The following PREX2 variants were observed in gnomAD, a reference collection of about 807,000 sequenced individuals.
PREX2 encodes phosphatidylinositol-3,4,5-trisphosphate dependent Rac exchange factor 2, also known as phosphatidylinositol 3,4,5-trisphosphate-dependent Rac exchanger 2 protein.
In PREX2, 107 loss-of-function variants were observed where a neutral mutation model predicts 203.2. The observed-to-expected ratio is 0.53, with a 90% CI of 0.45 to 0.62. The LOEUF (loss-of-function observed/expected upper bound fraction) is 0.62, where lower values mean the gene tolerates loss of function less well. Ranked by LOEUF, PREX2 falls within the 20% of genes least tolerant of loss-of-function variation. The probability of loss-of-function intolerance (pLI) is 0.00; values close to 1 mark genes in which losing one functional copy is unlikely to be tolerated. For synonymous variants in PREX2, 672 were observed against 663.6 expected, an observed-to-expected ratio of 1.01 and a Z score of -0.19; for missense variants, 1,777 against 1,955.9, an observed-to-expected ratio of 0.91 and a Z score of 1.72.
chr8:68,228,968 G>GAAA (rs1813112025), intron 39 of PREX2, among the ~76,000 whole-genome samples: 1 of 92,124 alleles, frequency 1.1e-5, no homozygotes, highest in Admixed American at 1.2e-4. Context: ...AAAAAAAAAA[G>GAAA]AAAGAAAAAA....
At chr8:68,061,864 A>G (rs1808865961) in intron 11 of PREX2, among the ~76,000 whole-genome samples, 2 of 152,182 alleles carry the variant, frequency 1.3e-5, no homozygotes, top group South Asian at 4.1e-4. Flanking sequence ...ACTGACAATG[A>G]ACAGACAGAC....
At position 68,226,706 on chromosome 8, in the gene PREX2, A is replaced by G. The variant is rs77516429; in HGVS notation, c.4775+2080A>G. Among the ~76,000 whole-genome samples the G allele has an allele frequency of 2.2e-3, 328 of 152,342 alleles. 3 individuals carry two copies. The highest frequency in any genetic ancestry group is 5.0e-3 in the Admixed American group (77 of 15,296). On this transcript the variant is annotated intron_variant, in intron 39 of 39. Transcript: ENST00000288368. ...CCCTTGCTAAAAGCTAGAGGACTAA[A>G]GACATAGTGTCCTCCACCAGTTGTT...
chr8:68,229,573 GCTA>G (rs1322835354), intron 39 of PREX2, among the ~76,000 whole-genome samples: 1 of 152,182 alleles, frequency 6.6e-6, no homozygotes, highest in Non-Finnish European at 1.5e-5. Context: ...AATACCCAGA[GCTA>G]CTATTTCATT....
chr8:68,062,743 AT>A (rs34067943), intron 11 of PREX2, among the ~76,000 whole-genome samples: 2,690 of 147,034 alleles, frequency 0.018, 31 homozygotes, highest in Non-Finnish European at 0.026. Context: ...CCAATGTCCT[AT>A]TTTTTTTTTT....
intron 37 of PREX2, among the ~76,000 whole-genome samples, chr8:68,208,052 T>C (rs1177322846): frequency 1.3e-5 from 2 of 152,146 alleles, no homozygotes; most frequent in East Asian, 3.9e-4. Context: ...TGTGTTTGTA[T>C]TTATATCTGC....
chr8:68,043,885 C>G (rs1045639826), intron 7 of PREX2, among the ~76,000 whole-genome samples: 1 of 151,894 alleles, frequency 6.6e-6, no homozygotes, highest in African/African-American at 2.4e-5. Flanking sequence ...AATATACACA[C>G]AGTTTTGAAA....
intron 1 of PREX2, among the ~76,000 whole-genome samples, chr8:67,990,154 T>C (rs530293532): frequency 6.6e-6 from 1 of 152,164 alleles, no homozygotes; most frequent in African/African-American, 2.4e-5. Flanking sequence ...CCCAGCTAAT[T>C]TTTGTACTTT....
Position 68,109,583 on chromosome 8 carries a change from G to A in PREX2, c.3106G>A (p.Ala1036Thr), listed in dbSNP as rs1810495703. The change falls in exon 25 of 40, where the codon GCA (alanine) becomes ACA (threonine). Residue 1036 changes from alanine to threonine, a missense_variant. Coordinates refer to ENST00000288368, the MANE Select transcript of PREX2 (RefSeq NM_024870.4). Reference protein sequence around the residue: ...YQKLLGKLQTALKEVEMCVCQ... With the variant: ...YQKLLGKLQTTLKEVEMCVCQ... ...GAAACTGCTGGGCAAACTTCAGACT[G>A]CACTGAAAGAGGTGGAGATGTGTGT... The A allele has an allele frequency of 6.2e-7, 1 of 1,613,872 alleles. No homozygotes were observed. The highest frequency in any genetic ancestry group is 1.7e-5 in the Admixed American group (1 of 59,996).
At chr8:68,102,175 G>T (rs1314933169) in intron 23 of PREX2, among the ~76,000 whole-genome samples, 1 of 152,164 alleles carries the variant, frequency 6.6e-6, no homozygotes, top group East Asian at 1.9e-4. Context: ...AAACAGCCAT[G>T]TGTATGGACT....
At chr8:67,973,382 T>C (rs1461318502) in intron 1 of PREX2, among the ~76,000 whole-genome samples, 1 of 152,220 alleles carries the variant, frequency 6.6e-6, no homozygotes, top group Non-Finnish European at 1.5e-5. Flanking sequence ...CTGTAGCTAC[T>C]CCTGAAGAAT....
intron 1 of PREX2, among the ~76,000 whole-genome samples, chr8:67,961,371 T>A (rs1008196837): frequency 1.3e-5 from 2 of 152,052 alleles, no homozygotes; most frequent in African/African-American, 4.8e-5. Flanking sequence ...TGTGAATTTA[T>A]TAGAATTATA....
Position 68,208,057 on chromosome 8 carries a change from A to T in PREX2, c.4605-9559A>T, listed in dbSNP as rs114475225. Reference sequence around the variant, plus strand: ...AAGCCATTCCTGTGTTTGTATTTATATCTGCATTTTAAAAAGGTCACCTTC... The same window carrying T: ...AAGCCATTCCTGTGTTTGTATTTATTTCTGCATTTTAAAAAGGTCACCTTC... On this transcript the variant is annotated intron_variant, in intron 37 of 39. Transcript: ENST00000288368. Among the ~76,000 whole-genome samples, 708 of 152,292 alleles carry T rather than the reference A, an allele frequency of 4.6e-3. 5 individuals carry two copies. The highest frequency in any genetic ancestry group is 0.015 in the African/African-American group (632 of 41,568).
At chr8:68,000,791 G>T (rs1055785218) in intron 1 of PREX2, among the ~76,000 whole-genome samples, 1 of 152,010 alleles carries the variant, frequency 6.6e-6, no homozygotes, top group Admixed American at 6.5e-5. Flanking sequence ...CAGAAATAAG[G>T]CCACATACGT....
At chr8:68,212,097 G>C (rs1442763583) in intron 37 of PREX2, among the ~76,000 whole-genome samples, 2 of 152,146 alleles carry the variant, frequency 1.3e-5, no homozygotes, top group Non-Finnish European at 2.9e-5. Flanking sequence ...AGCCCAGGCT[G>C]TTTCTCCACC....
At chr8:68,205,243 A>G (rs1245908936) in intron 37 of PREX2, among the ~76,000 whole-genome samples, 1 of 152,244 alleles carries the variant, frequency 6.6e-6, no homozygotes, top group African/African-American at 2.4e-5. Flanking sequence ...AGAGAGTATC[A>G]ATATTTAATA....
At chr8:68,199,280 T>C (rs1221725477) in intron 37 of PREX2, among the ~76,000 whole-genome samples, 1 of 152,224 alleles carries the variant, frequency 6.6e-6, no homozygotes, top group East Asian at 1.9e-4. Flanking sequence ...TCAAGCTAGC[T>C]ACTGTCCATG....
At chr8:67,964,307 G>A (rs1252036593) in intron 1 of PREX2, among the ~76,000 whole-genome samples, 3 of 152,186 alleles carry the variant, frequency 2.0e-5, no homozygotes, top group East Asian at 1.9e-4. Context: ...TGGGAAATAC[G>A]CTGACTGGCT....
intron 1 of PREX2, among the ~76,000 whole-genome samples, chr8:67,960,515 A>G (rs560567048): frequency 6.6e-6 from 1 of 152,088 alleles, no homozygotes; most frequent in African/African-American, 2.4e-5. Context: ...AGTTTAATAG[A>G]AGAAGGTTCT....
chr8:68,069,540 T>C (rs1006857350), intron 12 of PREX2, among the ~76,000 whole-genome samples: 5 of 58,452 alleles, frequency 8.6e-5, no homozygotes, highest in Non-Finnish European at 2.1e-4. Flanking sequence ...TATTGGTATA[T>C]TTTGTTTAAT....
Sources: allele counts gnomAD v4.1 joint callset (sites outside exome capture counted in the v4.1 genomes callset), GRCh38; gene constraint gnomAD v4.1.1; transcripts MANE v1.5; gene names NCBI Gene and HGNC (gene_info 2026-07-23, HGNC 2026-07-21).